Variants in ZNF507 observed in about 807,000 individuals in gnomAD.
The protein encoded by ZNF507 is zinc finger protein 507.
ZNF507 carries 29 observed loss-of-function variants against 80.0 expected under a neutral mutation model. The observed-to-expected ratio is 0.36, with a 90% CI of 0.27 to 0.49. The LOEUF (loss-of-function observed/expected upper bound fraction) is 0.49. Ranked by LOEUF, ZNF507 falls within the 20% of genes least tolerant of loss-of-function variation. The pLI is 0.98. For synonymous variants in ZNF507, 462 were observed against 422.5 expected, an observed-to-expected ratio of 1.09 and a Z score of -1.15; for missense variants, 1,081 against 1,152.2, an observed-to-expected ratio of 0.94 and a Z score of 0.90.
intron 2 of ZNF507, among the ~76,000 whole-genome samples, chr19:32,351,475 TG>T (rs1301640272): frequency 5.9e-4 from 14 of 23,786 alleles, no homozygotes; most frequent in Admixed American, 6.2e-4. Flanking sequence ...GTGTGTGGCG[TG>T]GGGGGGCGGG....
At position 32,355,224 on chromosome 19, in the gene ZNF507, G is replaced by T. The variant is rs144315001; in HGVS notation, c.2127+267G>T. On this transcript the variant is annotated intron_variant, in intron 3 of 6. Transcript: ENST00000355898. Reference sequence around the variant, plus strand: ...GTATAGTTTAAAGTGTTGATTTTCTGTTGCAAGAGAATTGTAGGGAGTGTA... The same window carrying T: ...GTATAGTTTAAAGTGTTGATTTTCTTTTGCAAGAGAATTGTAGGGAGTGTA... Among the ~76,000 whole-genome samples, 886 of 152,300 alleles carry T rather than the reference G, an allele frequency of 5.8e-3. 5 individuals carry two copies. The highest frequency in any genetic ancestry group is 0.01 in the Middle Eastern group (3 of 294).
rs1370386397 is a variant in ZNF507 at position 32,353,905 on chromosome 19, G to A, written c.1075G>A (p.Glu359Lys). 6.2e-7 allele frequency: 1 copy of A among 1,614,148 alleles called. No individual in the cohort carries two copies. The highest frequency in any genetic ancestry group is 8.5e-7 in the Non-Finnish European group (1 of 1,180,038). Residue 359 changes from glutamate to lysine, a missense_variant, in exon 3 of 7, where the codon GAA (glutamate) becomes AAA (lysine). Coordinates refer to ENST00000355898, the MANE Select transcript of ZNF507 (RefSeq NM_001136156.2). Reference sequence around the variant, plus strand: ...GTCAGTTACCCTGGACCCCAATGAGGAAGAAATGCTAGAAGTGATTTCTGA... The same window carrying A: ...GTCAGTTACCCTGGACCCCAATGAGAAAGAAATGCTAGAAGTGATTTCTGA... Reference protein sequence around the residue: ...SQSVTLDPNEEEMLEVISDAE... With the variant: ...SQSVTLDPNEKEMLEVISDAE...
chr19:32,383,963 AC>A lies in ZNF507; in HGVS notation c.*881del, dbSNP rs1321241443. ...TGTTATCTGAAAGTGTGTGAAAGAA[AC>A]AATGTATGAAAATTTACATTTGATC... On this transcript the variant is annotated 3_prime_UTR_variant, in exon 7 of 7. Transcript: ENST00000355898. 6.6e-6 allele frequency: 1 copy of A among 152,246 alleles called. No homozygotes were observed. Among genetic ancestry groups the A allele is most frequent in the Non-Finnish European group, 1.5e-5 (1 of 68,042 alleles). The allele number at this position is 152,246 out of a possible 1,614,324, so 9.4% of individuals were successfully genotyped here.
At chr19:32,360,466 C>A in intron 4 of ZNF507, 38 bp from the exon 5 acceptor site, 1 of 1,148,224 alleles carries the variant, frequency 8.7e-7, no homozygotes, top group Non-Finnish European at 1.2e-6. Flanking sequence ...TGAATCTTGT[C>A]AAAGCCTGCT....
chr19:32,385,291 A>G lies in ZNF507; in HGVS notation c.*2208A>G, dbSNP rs746788151. On this transcript the variant is annotated 3_prime_UTR_variant, in exon 7 of 7. Transcript: ENST00000355898. ...TCCCCACCTCATGGGGAAAAAACTA[A>G]CCCAGAAGTTCAAAGCCTTTAAAGT... The G allele has an allele frequency of 6.6e-6, 1 of 152,100 alleles. No homozygotes were observed. Among genetic ancestry groups the G allele is most frequent in the Admixed American group, 6.6e-5 (1 of 15,226 alleles). The allele number at this position is 152,100 out of a possible 1,614,324, so 9.4% of individuals were successfully genotyped here. A position where few individuals can be genotyped will look rare whatever the true frequency, so the allele number is the denominator to read the frequency against.
intron 5 of ZNF507, among the ~76,000 whole-genome samples, chr19:32,365,329 A>G (rs1045512749): frequency 3.9e-5 from 6 of 152,122 alleles, no homozygotes; most frequent in African/African-American, 1.2e-4. Context: ...TGCTTTGCCA[A>G]AGCTCTTTAA....
chr19:32,361,301 G>A (rs1967318608), intron 5 of ZNF507, among the ~76,000 whole-genome samples: 1 of 152,144 alleles, frequency 6.6e-6, no homozygotes, highest in South Asian at 2.1e-4. Context: ...GGCATTCTCA[G>A]TGATAGTGCT....
At chr19:32,382,243 T>G (rs1222805478) in intron 5 of ZNF507, 1 of 419,336 alleles carries the variant, frequency 2.4e-6, no homozygotes, top group East Asian at 3.7e-5. Context: ...TACTAATTCT[T>G]TATAATATAA....
At chr19:32,377,638 C>T (rs1192962051) in intron 5 of ZNF507, among the ~76,000 whole-genome samples, 2 of 152,152 alleles carry the variant, frequency 1.3e-5, no homozygotes, top group Non-Finnish European at 2.9e-5. Context: ...AAAATAACCA[C>T]GTGTCCATAC....
intron 5 of ZNF507, among the ~76,000 whole-genome samples, chr19:32,375,193 C>T (rs1007205333): frequency 2.6e-5 from 4 of 152,140 alleles, no homozygotes; most frequent in African/African-American, 2.4e-5. Context: ...GGACATTTGC[C>T]GATGTCTGGA....
At chr19:32,364,561 C>T (rs1426849493) in intron 5 of ZNF507, among the ~76,000 whole-genome samples, 1 of 152,164 alleles carries the variant, frequency 6.6e-6, no homozygotes, top group African/African-American at 2.4e-5. Context: ...GCTTAGCTCC[C>T]ACGTATCAGT....
Position 32,382,859 on chromosome 19 carries a change from A to C in ZNF507, c.2638A>C (p.Asn880His). 1.2e-6 allele frequency: 2 copies of C among 1,614,152 alleles called. No homozygotes were observed. The highest frequency in any genetic ancestry group is 1.7e-6 in the Non-Finnish European group (2 of 1,180,032). ...TPSEVLGTNE[N>H]EKLSPTSNTS... ...CAGTGAAGTTCTGGGTACCAACGAG[A>C]ATGAGAAACTGAGCCCTACAAGTAA... Residue 880 changes from asparagine (N) to histidine (H), a missense_variant, in exon 7 of 7, where the codon AAT (asparagine) becomes CAT (histidine). By Grantham distance (68) the Asn-to-His change is moderately conservative. Around this residue, in one of 6 missense-constraint regions of ZNF507, gnomAD observed 138 missense variants for 158.4 expected, o/e 0.87. Transcript: ENST00000355898.
intron 2 of ZNF507, among the ~76,000 whole-genome samples, chr19:32,350,382 T>C (rs1401455371): frequency 6.6e-6 from 1 of 152,230 alleles, no homozygotes; most frequent in Admixed American, 6.5e-5. Context: ...ATGAGATACT[T>C]ACATAAATGT....
At chr19:32,380,662 T>C in intron 5 of ZNF507, 19 of 1,521,372 alleles carry the variant, frequency 1.2e-5, no homozygotes, top group Non-Finnish European at 1.7e-5. Flanking sequence ...AATTAAGTAT[T>C]TAACAAAAAT....
chr19:32,376,734 C>T (rs1322259570), intron 5 of ZNF507, among the ~76,000 whole-genome samples: 2 of 152,146 alleles, frequency 1.3e-5, no homozygotes, highest in Non-Finnish European at 2.9e-5. Context: ...CCACTACTAC[C>T]AAGACGCGGA....
rs1304071722 is a variant in ZNF507 at position 32,354,728 on chromosome 19, A to G, written c.1898A>G (p.Tyr633Cys). 2 of 1,614,206 alleles carry G rather than the reference A, an allele frequency of 1.2e-6. No homozygotes were observed. The highest frequency in any genetic ancestry group is 1.7e-5 in the Admixed American group (1 of 60,028). The stretch of plus-strand genomic sequence containing the variant: ...TTGTCCGGAAACAATGTGGTGGAAT[A>G]CATCCCGAATGCTGAACGACCCTAC... The part of the protein sequence containing the change: ...TSLSGNNVVE[Y>C]IPNAERPYRC... The change falls in exon 3 of 7, where the codon TAC (tyrosine) becomes TGC (cysteine). Residue 633 changes from tyrosine to cysteine, a missense_variant. By Grantham distance (194) the Tyr-to-Cys change is radical. Around this residue, in one of 6 missense-constraint regions of ZNF507, gnomAD observed 614 missense variants for 583.9 expected, o/e 1.05. Transcript: ENST00000355898.
In ZNF507 at chr19:32,387,560, A is replaced by G. The variant is rs925623940; in HGVS notation, c.*4477A>G. 13 of 152,366 alleles carry G rather than the reference A, an allele frequency of 8.5e-5. No individual in the cohort carries two copies. Among genetic ancestry groups the G allele is most frequent in the African/African-American group, 3.1e-4 (13 of 41,594 alleles). 9.4% of individuals were successfully genotyped at this position (152,366 alleles called of 1,614,324 possible). On this transcript the variant is annotated 3_prime_UTR_variant, in exon 7 of 7. Coordinates refer to ENST00000355898, the MANE Select transcript of ZNF507 (RefSeq NM_001136156.2). ...ACTATAATATCTAAGTGTAAAATAC[A>G]TAGCAGTTGCAAAGACTTAGTACAA...
In ZNF507 at chr19:32,346,893, T is replaced by G. The variant is rs778483030; in HGVS notation, c.-96-352T>G. On this transcript the variant is annotated intron_variant, in intron 1 of 6. Transcript: ENST00000355898. ...TCACTCGTTAGATTGTATTTTTAGT[T>G]TAGATTAAAATAGCAATGTGCAATT... Among the ~76,000 whole-genome samples the G allele has an allele frequency of 2.3e-4, 35 of 152,242 alleles. 1 individual carries two copies. Among genetic ancestry groups the G allele is most frequent in the Non-Finnish European group, 4.7e-4 (32 of 68,048 alleles).
chr19:32,350,801 C>T (rs1193770318), intron 2 of ZNF507, among the ~76,000 whole-genome samples: 2 of 152,152 alleles, frequency 1.3e-5, no homozygotes, highest in African/African-American at 4.8e-5. Context: ...TATTATTAAA[C>T]TTATTATTTA....
Sources: gnomAD v4.1 joint callset for allele counts (sites outside exome capture counted in the v4.1 genomes callset) on GRCh38, gnomAD v4.1.1 for gene constraint, gnomAD v4.1.1 regional missense constraint, MANE v1.5 for transcripts, NCBI Gene and HGNC (gene_info 2026-07-23, HGNC 2026-07-21) for gene names.